Variants in ZNF160 observed in about 807,000 individuals in gnomAD.
ZNF160 encodes zinc finger protein 160, also known as KRAB zinc finger protein KR18.
A neutral mutation model predicts 13.1 loss-of-function variants in ZNF160; 9 were observed. The ratio of observed to expected loss-of-function variants is 0.69; its 90% confidence interval spans 0.41 to 1.20. The LOEUF is 1.20. ZNF160 is among the 50% of genes most tolerant of loss of function. ZNF160 has a pLI of 0.01. For missense variants in ZNF160, 838 were observed against 988.0 expected (o/e 0.85, Z 2.04); for synonymous variants, 293 against 333.2 (o/e 0.88, Z 1.31).
At chr19:53,070,351 A>G in intron 5 of ZNF160, 89 bp from the exon 6 acceptor site, 1 of 1,277,548 alleles carries the variant, frequency 7.8e-7, no homozygotes, top group Non-Finnish European at 1.0e-6. Context: ...ACCAAAAGTA[A>G]TACTTATATT....
Position 53,068,519 on chromosome 19 carries a change from G to T in ZNF160, c.2015C>A (p.Thr672Asn). Residue 672 changes from threonine (T) to asparagine (N), a missense_variant, in exon 6 of 6, where the codon ACT (threonine) becomes AAT (asparagine). By Grantham distance (65) the Thr-to-Asn change is moderately conservative. This residue lies in a region of ZNF160 where 400 missense variants were observed against 538.9 expected (regional missense o/e 0.74). Transcript: ENST00000683776. ...ATTACATTTGTAAGGCTTCTCTCCA[G>T]TATGGATGACCTTATGGGTAGTTAG... ...SNLTTHKVIH[T>N]GEKPYKCNQC... 6.2e-7 allele frequency: 1 copy of T among 1,613,836 alleles called. No homozygotes were observed. Among genetic ancestry groups the T allele is most frequent in the Non-Finnish European group, 8.5e-7 (1 of 1,179,826 alleles).
chr19:53,090,862 G>A (rs1020626795), intron 2 of ZNF160, among the ~76,000 whole-genome samples: 1 of 152,218 alleles, frequency 6.6e-6, no homozygotes, highest in African/African-American at 2.4e-5. Flanking sequence ...GACCTTACAA[G>A]GCACAGGGTG....
chr19:53,101,135 C>A (rs2146093088), intron 1 of ZNF160, among the ~76,000 whole-genome samples: 2 of 152,102 alleles, frequency 1.3e-5, no homozygotes, highest in Middle Eastern at 3.4e-3. Context: ...AAAAAATTAG[C>A]CAGGCGTGGT....
At chr19:53,082,157 G>A (rs2084657785) in intron 3 of ZNF160, among the ~76,000 whole-genome samples, 1 of 152,068 alleles carries the variant, frequency 6.6e-6, no homozygotes, top group African/African-American at 2.4e-5. Flanking sequence ...CTATCTATCG[G>A]GTACTATGTT....
chr19:53,092,253 C>T (rs535893477), intron 1 of ZNF160, among the ~76,000 whole-genome samples: 3 of 152,200 alleles, frequency 2.0e-5, no homozygotes, highest in Admixed American at 6.5e-5. Context: ...AAAACATTTA[C>T]ATTTATATTC....
At chr19:53,097,623 T>C (rs557099206) in intron 1 of ZNF160, among the ~76,000 whole-genome samples, 1 of 152,200 alleles carries the variant, frequency 6.6e-6, no homozygotes, top group African/African-American at 2.4e-5. Context: ...CACTGAAACC[T>C]ACCAATAAAA....
chr19:53,067,959 C>T lies in ZNF160; in HGVS notation c.*118G>A. The T allele has an allele frequency of 7.2e-7, 1 of 1,393,128 alleles. No individual in the cohort carries two copies. Among genetic ancestry groups the T allele is most frequent in the Non-Finnish European group, 9.7e-7 (1 of 1,028,138 alleles). The allele number at this position is 1,393,128 out of a possible 1,614,324, so 86.3% of individuals were successfully genotyped here. On this transcript the variant is annotated 3_prime_UTR_variant, in exon 6 of 6. Transcript: ENST00000683776. ...GTCTCTTGCTTATGGCCTCTCATATCTATTAATGCTTCAACTCATGAGGGA... is the reference window on the plus strand; with the variant it reads ...GTCTCTTGCTTATGGCCTCTCATATTTATTAATGCTTCAACTCATGAGGGA...
Position 53,069,414 on chromosome 19 carries a change from AT to A in ZNF160, c.1119del (p.Glu373AspfsTer13). 6.2e-7 allele frequency: 1 copy of A among 1,614,172 alleles called. No homozygotes were observed. Among genetic ancestry groups the A allele is most frequent in the Non-Finnish European group, 8.5e-7 (1 of 1,180,034 alleles). ...HTGEKPFKCN[E>X]CGKLFTQNSH... ...GAATTTTGAGTGAAGAGCTTGCCAC[AT>A]TCATTACATTTGAACGGTTTTTCTC... On this transcript the variant is annotated frameshift_variant, in exon 6 of 6. Transcript: ENST00000683776. LOFTEE classifies it low-confidence loss of function (END_TRUNC). This position sits in a 1 kb window ranked among gnomAD's most constrained non-coding sequence, Gnocchi z 4.4.
In ZNF160 at chr19:53,102,157, A is replaced by T. The variant is rs562406494; in HGVS notation, c.-354+1108T>A. Among the ~76,000 whole-genome samples the T allele has an allele frequency of 5.3e-5, 8 of 151,528 alleles. No individual in the cohort carries two copies. In the South Asian group the frequency reaches 8.3e-4, roughly 16 times the overall value. ...TATATCTGTTCTACTCCATTCTTCC[A>T]ATTTGTTTCACCTCTTGTGGCGTTT... On this transcript the variant is annotated intron_variant, in intron 1 of 5. Coordinates refer to ENST00000683776, the MANE Select transcript of ZNF160 (RefSeq NM_001322131.2).
rs998656116 is a variant in ZNF160, at chr19:53,100,490, G to A, written c.-354+2775C>T. Among the ~76,000 whole-genome samples the A allele has an allele frequency of 3.3e-5, 5 of 152,004 alleles. No homozygotes were observed. The East Asian group carries it at 7.7e-4, about 24-fold the overall frequency. On this transcript the variant is annotated intron_variant, in intron 1 of 5. Coordinates refer to ENST00000683776, the MANE Select transcript of ZNF160 (RefSeq NM_001322131.2). ...CCGGGCGTGGTGGCGGCTGCCTGTA[G>A]TCCCAACTACTTGGGAGGCTGAGGC... is the stretch of plus-strand genomic sequence containing the variant.
chr19:53,069,669 C>G lies in ZNF160; in HGVS notation c.865G>C (p.Glu289Gln). The change falls in exon 6 of 6, where the codon GAG becomes CAG. Residue 289 changes from glutamate (E) to glutamine (Q), a missense_variant. Glu to Gln is a conservative substitution (Grantham distance 29, BLOSUM62 2). Transcript: ENST00000683776. This position sits in a 1 kb window ranked among gnomAD's most constrained non-coding sequence, Gnocchi z 4.4. ...CGAACAGTAAAGGTTTTGCCGCACT[C>G]ACTGCATTTGTAAGGCTTCTCTCCA... ...HSGEKPYKCS[E>Q]CGKTFTVRSN... The G allele has an allele frequency of 3.1e-6, 5 of 1,614,104 alleles. No homozygotes were observed. Among genetic ancestry groups the G allele is most frequent in the Non-Finnish European group, 4.2e-6 (5 of 1,179,950 alleles).
chr19:53,069,050 T>C lies in ZNF160; in HGVS notation c.1484A>G (p.Gln495Arg). The C allele has an allele frequency of 6.2e-7, 1 of 1,614,188 alleles. No homozygotes were observed. The highest frequency in any genetic ancestry group is 2.2e-5 in the East Asian group (1 of 44,866). ...ECSKVFTQNS[Q>R]LANHRRIHTG... ...ATGAATTCTTCGATGATTTGCAAGT[T>C]GTGAATTTTGAGTGAAAACCTTGCT... Residue 495 changes from glutamine to arginine, a missense_variant, in exon 6 of 6, where the codon CAA (glutamine) becomes CGA (arginine). By Grantham distance (43) the Gln-to-Arg change is conservative. Transcript: ENST00000683776. This position sits in a 1 kb window ranked among gnomAD's most constrained non-coding sequence, Gnocchi z 4.4.
intron 1 of ZNF160, among the ~76,000 whole-genome samples, chr19:53,099,158 G>C (rs2085353157): frequency 6.6e-6 from 1 of 152,104 alleles, no homozygotes; most frequent in Non-Finnish European, 1.5e-5. Flanking sequence ...TGGATGCGGA[G>C]ACAGTGAAAC....
intron 3 of ZNF160, chr19:53,075,760 C>G: frequency 1.9e-6 from 1 of 518,940 alleles, no homozygotes; most frequent in Non-Finnish European, 3.8e-6. Context: ...AAGTGTTTCC[C>G]TGTGTTATGT....
Position 53,086,417 on chromosome 19 carries a change from A to G in ZNF160, c.-45-96T>C, listed in dbSNP as rs1359711247. ...TCTATACATCCCCTTCATGTGCCACAGTCACACGCACAGATCTCACCCTGT... is the reference window on the plus strand; with the variant it reads ...TCTATACATCCCCTTCATGTGCCACGGTCACACGCACAGATCTCACCCTGT... On this transcript the variant is annotated intron_variant, in intron 2 of 5. Transcript: ENST00000683776. 6.6e-6 allele frequency: 7 copies of G among 1,066,194 alleles called. No homozygotes were observed. In the East Asian group the frequency reaches 1.3e-4, roughly 19 times the overall value. 66.0% of individuals were successfully genotyped at this position (1,066,194 alleles called of 1,614,324 possible).
intron 3 of ZNF160, among the ~76,000 whole-genome samples, chr19:53,078,984 T>C (rs1408901052): frequency 6.6e-6 from 1 of 151,790 alleles, no homozygotes; most frequent in Non-Finnish European, 1.5e-5. Flanking sequence ...CCCAAGCAAA[T>C]ATATGACAAG....
rs2145435926 is a variant in ZNF160, at chr19:53,069,179, G to A, written c.1355C>T (p.Pro452Leu). 6.2e-7 allele frequency: 1 copy of A among 1,614,110 alleles called. No individual in the cohort carries two copies. Among genetic ancestry groups the A allele is most frequent in the African/African-American group, 1.3e-5 (1 of 75,058 alleles). ...TTTGCCACATTCATTACACTTGTAA[G>A]GTTTCTCACCAGTATGAACTCTCCG... ...RHRRVHTGEKPYKCNECGKAF... is the reference protein window; with the variant it reads ...RHRRVHTGEKLYKCNECGKAF... The change falls in exon 6 of 6, where the codon CCT becomes CTT. Residue 452 changes from proline (P) to leucine (L), a missense_variant. Physicochemically the swap from Pro to Leu is moderately conservative, Grantham distance 98 (BLOSUM62 -3). Around this residue, in one of 3 missense-constraint regions of ZNF160, gnomAD observed 400 missense variants for 538.9 expected, o/e 0.74. Coordinates refer to ENST00000683776, the MANE Select transcript of ZNF160 (RefSeq NM_001322131.2). The surrounding 1 kb of genome is among the most constrained non-coding windows in gnomAD (Gnocchi z 4.4).
At position 53,068,949 on chromosome 19, in the gene ZNF160, C is replaced by G. The variant is rs768700239; in HGVS notation, c.1585G>C (p.Ala529Pro). The G allele has an allele frequency of 1.2e-6, 2 of 1,613,606 alleles. No individual in the cohort carries two copies. Among genetic ancestry groups the G allele is most frequent in the East Asian group, 4.5e-5 (2 of 44,810 alleles). Residue 529 changes from alanine to proline, a missense_variant, in exon 6 of 6, where the codon GCA (alanine) becomes CCA (proline). Transcript: ENST00000683776. Reference protein sequence around the residue: ...SVRSSLTTHQAIHSGEKPYKC... With the variant: ...SVRSSLTTHQPIHSGEKPYKC... Reference sequence around the variant, plus strand: ...TAAGGTTTCTCTCCAGAATGGATTGCCTGATGGGTAGTCAGACTTGAACGA... The same window carrying G: ...TAAGGTTTCTCTCCAGAATGGATTGGCTGATGGGTAGTCAGACTTGAACGA...
intron 3 of ZNF160, among the ~76,000 whole-genome samples, chr19:53,084,525 T>C (rs2084758071): frequency 6.6e-6 from 1 of 152,056 alleles, no homozygotes; most frequent in African/African-American, 2.4e-5. Context: ...TGAGACCCTG[T>C]CTCAAAAAAT....
Sources: gnomAD v4.1 joint callset for allele counts (sites outside exome capture counted in the v4.1 genomes callset) on GRCh38, gnomAD v4.1.1 for gene constraint, gnomAD v4.1.1 regional missense constraint, Gnocchi (gnomAD v3.1) non-coding constraint, MANE v1.5 for transcripts, NCBI Gene and HGNC (gene_info 2026-07-23, HGNC 2026-07-21) for gene names.